MAGI1: variants seen among roughly 807,000 people sequenced by gnomAD.
The protein encoded by MAGI1 is membrane associated guanylate kinase, WW and PDZ domain containing 1, also known as membrane-associated guanylate kinase, WW and PDZ domain-containing protein 1.
MAGI1 carries 58 observed loss-of-function variants against 139.9 expected under a neutral mutation model. The ratio of observed to expected loss-of-function variants is 0.41; its 90% CI spans 0.34 to 0.52. The LOEUF (loss-of-function observed/expected upper bound fraction) is 0.52, where lower values mean the gene tolerates loss of function less well. Ranked by LOEUF, MAGI1 falls within the 20% of genes least tolerant of loss-of-function variation. The probability of loss-of-function intolerance (pLI) is 0.12; values close to 1 mark genes in which losing one functional copy is unlikely to be tolerated. For missense variants in MAGI1, 1,874 were observed against 1,901.6 expected, an observed-to-expected ratio of 0.99 and a Z score of 0.27; for synonymous variants, 812 against 737.9, an observed-to-expected ratio of 1.10 and a Z score of -1.63.
At chr3:65,780,035 G>A (rs1196133030) in intron 1 of MAGI1, among the ~76,000 whole-genome samples, 1 of 140,818 alleles carries the variant, frequency 7.1e-6, no homozygotes, top group Non-Finnish European at 1.6e-5. Context: ...GGGGGGAAGG[G>A]CAGGGGGGAC....
intron 1 of MAGI1, among the ~76,000 whole-genome samples, chr3:65,646,910 T>G (rs2085298238): frequency 6.6e-6 from 1 of 152,022 alleles, no homozygotes; most frequent in African/African-American, 2.4e-5. Context: ...AGGGAAAATT[T>G]ACAGGGATCA....
At chr3:65,432,123 C>T (rs959055367) in intron 10 of MAGI1, among the ~76,000 whole-genome samples, 1 of 152,090 alleles carries the variant, frequency 6.6e-6, no homozygotes, top group Non-Finnish European at 1.5e-5. Flanking sequence ...TAAACCAAAA[C>T]GTTTTCTTTT....
chr3:65,380,227 T>C (rs1942933918), intron 16 of MAGI1, among the ~76,000 whole-genome samples: 1 of 152,228 alleles, frequency 6.6e-6, no homozygotes, highest in Non-Finnish European at 1.5e-5. Flanking sequence ...AAAGCACTCC[T>C]AAATAGCCAA....
Position 65,355,233 on chromosome 3 carries a change from C to T in MAGI1, c.*1145G>A, listed in dbSNP as rs2061937. ...ATGAGGCAGAAGTTTCCCAACCAGA[C>T]CTAGAATCACTGGGACCACTTCCTT... is the stretch of plus-strand genomic sequence containing the variant. On this transcript the variant is annotated 3_prime_UTR_variant, in exon 23 of 23. Coordinates refer to ENST00000402939, the MANE Select transcript of MAGI1 (RefSeq NM_001033057.2). 143,013 of 152,288 alleles carry T rather than the reference C, an allele frequency of 0.94. 67,653 individuals are homozygous for T. The highest frequency in any genetic ancestry group is 1 in the Non-Finnish European group (67,890 of 68,046). 9.4% of individuals were successfully genotyped at this position (152,288 alleles called of 1,614,324 possible). A position where few individuals can be genotyped will look rare whatever the true frequency, so the allele number is the denominator to read the frequency against.
intron 1 of MAGI1, among the ~76,000 whole-genome samples, chr3:65,878,916 G>C (rs959623000): frequency 1.3e-5 from 2 of 152,114 alleles, no homozygotes; most frequent in Admixed American, 6.6e-5. Flanking sequence ...GCAGTGGGCA[G>C]TTTCCTTCTC....
intron 2 of MAGI1, among the ~76,000 whole-genome samples, chr3:65,569,319 T>G (rs925832312): frequency 1.3e-5 from 2 of 152,162 alleles, no homozygotes; most frequent in African/African-American, 4.8e-5. Flanking sequence ...GTACATAGTT[T>G]CAGTGTAGGA....
At chr3:65,601,563 C>G (rs1012184011) in intron 2 of MAGI1, among the ~76,000 whole-genome samples, 1 of 152,046 alleles carries the variant, frequency 6.6e-6, no homozygotes, top group Non-Finnish European at 1.5e-5. Context: ...AGTGTTGGGA[C>G]AACTGGATAT....
At chr3:65,465,904 T>G (rs1435238571) in intron 5 of MAGI1, among the ~76,000 whole-genome samples, 2 of 152,182 alleles carry the variant, frequency 1.3e-5, no homozygotes, top group African/African-American at 2.4e-5. Flanking sequence ...CTCTGTTTGT[T>G]GGTTGGTTGG....
intron 7 of MAGI1, among the ~76,000 whole-genome samples, chr3:65,444,755 C>A (rs1174038229): frequency 6.6e-6 from 1 of 152,074 alleles, no homozygotes; most frequent in Non-Finnish European, 1.5e-5. Flanking sequence ...GCCTAGTCAA[C>A]AACTTAATAT....
chr3:65,624,513 G>C (rs2083860507), intron 1 of MAGI1, among the ~76,000 whole-genome samples: 1 of 152,174 alleles, frequency 6.6e-6, no homozygotes, highest in Admixed American at 6.5e-5. Context: ...AAAGAAGTCA[G>C]ACACAAAAGA....
At chr3:65,772,111 G>A (rs543884708) in intron 1 of MAGI1, among the ~76,000 whole-genome samples, 2 of 152,192 alleles carry the variant, frequency 1.3e-5, no homozygotes, top group African/African-American at 2.4e-5. Flanking sequence ...CAGGAGAATC[G>A]TTTGAACCTG....
At chr3:65,529,314 G>A (rs2078528753) in intron 2 of MAGI1, among the ~76,000 whole-genome samples, 1 of 151,926 alleles carries the variant, frequency 6.6e-6, no homozygotes, top group Non-Finnish European at 1.5e-5. Flanking sequence ...TCTAGTTCTG[G>A]AACATTTCAT....
chr3:65,441,357 A>AT (rs1362289515), intron 8 of MAGI1, among the ~76,000 whole-genome samples: 3 of 152,124 alleles, frequency 2.0e-5, no homozygotes, highest in Non-Finnish European at 2.9e-5. Flanking sequence ...GCTAGGCTTT[A>AT]TTTTTTTAAG....
At chr3:66,017,260 C>A (rs866347829) in intron 1 of MAGI1, among the ~76,000 whole-genome samples, 1 of 152,256 alleles carries the variant, frequency 6.6e-6, no homozygotes, top group Non-Finnish European at 1.5e-5. Flanking sequence ...GACGCAAGCA[C>A]TTGTGTCTCA....
At chr3:65,481,686 A>AGTG (rs1307511365) in intron 3 of MAGI1, among the ~76,000 whole-genome samples, 1 of 152,198 alleles carries the variant, frequency 6.6e-6, no homozygotes. Flanking sequence ...AGTGCCATTA[A>AGTG]ACTGAAGTAG....
Position 65,768,236 on chromosome 3 carries a change from T to G in MAGI1, c.314-146148A>C, listed in dbSNP as rs1047060521. Among the ~76,000 whole-genome samples the G allele has an allele frequency of 3.9e-5, 6 of 152,016 alleles. No individual in the cohort carries two copies. In the East Asian group the frequency reaches 5.8e-4, roughly 15 times the overall value. On this transcript the variant is annotated intron_variant, in intron 1 of 22. Coordinates refer to ENST00000402939, the MANE Select transcript of MAGI1 (RefSeq NM_001033057.2). Reference sequence around the variant, plus strand: ...GGAGTTCTAGACCAGCCTGGCCAACTTGACAAAACCTCGTCTCTACTAAAA... The same window carrying G: ...GGAGTTCTAGACCAGCCTGGCCAACGTGACAAAACCTCGTCTCTACTAAAA...
At chr3:66,027,388 C>T (rs1372545526) in intron 1 of MAGI1, among the ~76,000 whole-genome samples, 1 of 152,122 alleles carries the variant, frequency 6.6e-6, no homozygotes, top group Non-Finnish European at 1.5e-5. Context: ...ACTGCAGCCT[C>T]GGACTCCTTG....
intron 1 of MAGI1, among the ~76,000 whole-genome samples, chr3:65,660,637 T>C (rs990359644): frequency 6.6e-6 from 1 of 152,232 alleles, no homozygotes; most frequent in Non-Finnish European, 1.5e-5. Context: ...ATATTTGTTC[T>C]TAACATATAA....
intron 1 of MAGI1, among the ~76,000 whole-genome samples, chr3:65,786,919 G>A (rs950211479): frequency 6.6e-6 from 1 of 152,024 alleles, no homozygotes; most frequent in Non-Finnish European, 1.5e-5. Flanking sequence ...AAGACCCCAA[G>A]AATCTTTTAA....
Sources: allele counts gnomAD v4.1 joint callset (sites outside exome capture counted in the v4.1 genomes callset), GRCh38; gene constraint gnomAD v4.1.1; transcripts MANE v1.5; gene names NCBI Gene and HGNC (gene_info 2026-07-23, HGNC 2026-07-21).